The following HS6ST1 variants were observed in gnomAD, a reference collection of about 807,000 sequenced individuals.
HS6ST1 encodes heparan sulfate 6-O-sulfotransferase 1.
Under a neutral mutation model 25.2 loss-of-function variants are expected in HS6ST1, and 3 were observed. The ratio of observed to expected loss-of-function variants is 0.12; its 90% CI spans 0.05 to 0.31. HS6ST1 has a LOEUF of 0.31. HS6ST1 is among the 10% of genes least tolerant of loss of function. HS6ST1 has a pLI of 1.00. For synonymous variants in HS6ST1, 204 were observed against 275.1 expected, an observed-to-expected ratio of 0.74 and a Z score of 2.56; for missense variants, 310 against 609.6, an observed-to-expected ratio of 0.51 and a Z score of 5.18.
chr2:128,297,820 G>A (rs536449751), intron 1 of HS6ST1, among the ~76,000 whole-genome samples: 1 of 152,272 alleles, frequency 6.6e-6, no homozygotes, highest in East Asian at 1.9e-4. Flanking sequence ...GGCAACAAGA[G>A]TGAAACTCTG....
rs1419571244 is a variant in HS6ST1 at position 128,267,244 on chromosome 2, G to A, written c.*918C>T. 6.6e-6 allele frequency: 1 copy of A among 152,124 alleles called. No homozygotes were observed. Among genetic ancestry groups the A allele is most frequent in the East Asian group, 1.9e-4 (1 of 5,166 alleles). The allele number at this position is 152,124 out of a possible 1,614,324, so 9.4% of individuals were successfully genotyped here. A position where few individuals can be genotyped will look rare whatever the true frequency, so the allele number is the denominator to read the frequency against. ...TGGGGCAGCCTGCTAGCAAATCCCA[G>A]TGGGTCAGAAAGGAGAACAGAGGCA... On this transcript the variant is annotated 3_prime_UTR_variant, in exon 2 of 2. Transcript: ENST00000259241.
chr2:128,315,569 C>G (rs2104939745), intron 1 of HS6ST1, among the ~76,000 whole-genome samples: 1 of 152,294 alleles, frequency 6.6e-6, no homozygotes, highest in East Asian at 1.9e-4. Context: ...GCCAGGGTGA[C>G]ACCTGAGTCT....
chr2:128,303,033 CCA>C (rs1694156901), intron 1 of HS6ST1, among the ~76,000 whole-genome samples: 1 of 152,230 alleles, frequency 6.6e-6, no homozygotes, highest in Admixed American at 6.5e-5. Flanking sequence ...CTCTGGTCCC[CCA>C]CAGTCTAAAC....
chr2:128,274,936 T>A (rs1357805039), intron 1 of HS6ST1, among the ~76,000 whole-genome samples: 1 of 126,558 alleles, frequency 7.9e-6, no homozygotes, highest in Non-Finnish European at 1.5e-5. Context: ...TGAGATCGCA[T>A]CTGGGTGACA....
At chr2:128,308,464 C>G (rs929756976) in intron 1 of HS6ST1, among the ~76,000 whole-genome samples, 3 of 152,218 alleles carry the variant, frequency 2.0e-5, no homozygotes, top group Non-Finnish European at 4.4e-5. Flanking sequence ...CCTCTTGACC[C>G]TGGGTTCCTC....
chr2:128,316,531 AG>A (rs1205686483), intron 1 of HS6ST1, among the ~76,000 whole-genome samples: 1 of 152,086 alleles, frequency 6.6e-6, no homozygotes, highest in Non-Finnish European at 1.5e-5. Context: ...GACCAGGGTT[AG>A]GGGGGCCCTG....
intron 1 of HS6ST1, among the ~76,000 whole-genome samples, chr2:128,302,799 C>T (rs906371179): frequency 2.0e-5 from 3 of 152,190 alleles, no homozygotes; most frequent in South Asian, 2.1e-4. Context: ...GGGCCTCTTC[C>T]GCAACGGCCC....
At chr2:128,293,231 G>T (rs1038634477) in intron 1 of HS6ST1, among the ~76,000 whole-genome samples, 6 of 152,278 alleles carry the variant, frequency 3.9e-5, no homozygotes, top group African/African-American at 1.4e-4. Flanking sequence ...CCCGCTCTGA[G>T]CCAGGGGCAT....
intron 1 of HS6ST1, among the ~76,000 whole-genome samples, chr2:128,288,588 C>T (rs746911815): frequency 6.6e-5 from 10 of 152,180 alleles, no homozygotes; most frequent in South Asian, 4.1e-4. Context: ...AAATGCAACC[C>T]GCGCCAGGTG....
intron 1 of HS6ST1, among the ~76,000 whole-genome samples, chr2:128,284,540 C>T (rs1185635362): frequency 8.0e-6 from 1 of 124,942 alleles, no homozygotes; most frequent in African/African-American, 3.0e-5. Flanking sequence ...CTTGCTTTGT[C>T]GCCCAGGCTG....
At chr2:128,275,203 C>T (rs1454346094) in intron 1 of HS6ST1, among the ~76,000 whole-genome samples, 2 of 152,114 alleles carry the variant, frequency 1.3e-5, no homozygotes, top group Non-Finnish European at 2.9e-5. Context: ...ACACTACTTG[C>T]CTCAGCGGTA....
At chr2:128,278,534 T>A (rs1458151905) in intron 1 of HS6ST1, among the ~76,000 whole-genome samples, 10 of 152,058 alleles carry the variant, frequency 6.6e-5, no homozygotes, top group Non-Finnish European at 1.5e-5. Flanking sequence ...CACTGGAGTG[T>A]GAGCTGTCAC....
At chr2:128,279,086 G>C (rs1462868945) in intron 1 of HS6ST1, among the ~76,000 whole-genome samples, 1 of 152,154 alleles carries the variant, frequency 6.6e-6, no homozygotes, top group African/African-American at 2.4e-5. Context: ...ATTAGACGGG[G>C]CCGGCCGCAC....
intron 1 of HS6ST1, among the ~76,000 whole-genome samples, chr2:128,283,850 C>T (rs537156846): frequency 1.3e-5 from 2 of 152,332 alleles, no homozygotes; most frequent in African/African-American, 4.8e-5. Flanking sequence ...CCTGCCGAAA[C>T]ATCTCTCCCA....
chr2:128,276,174 C>G (rs1028331985), intron 1 of HS6ST1, among the ~76,000 whole-genome samples: 4 of 152,236 alleles, frequency 2.6e-5, no homozygotes, highest in Non-Finnish European at 5.9e-5. Context: ...GTTGCCCAGG[C>G]TGGAGTGCAG....
chr2:128,308,228 T>C (rs879828975), intron 1 of HS6ST1, among the ~76,000 whole-genome samples: 19 of 151,952 alleles, frequency 1.3e-4, no homozygotes, highest in Non-Finnish European at 2.6e-4. Context: ...GCACAGTGCA[T>C]GGGGTCTTCA....
At position 128,268,414 on chromosome 2, in the gene HS6ST1, C is replaced by T. The variant is rs755916481; in HGVS notation, c.984G>A (p.Glu328=). 10 of 1,613,540 alleles carry T rather than the reference C, an allele frequency of 6.2e-6. No individual in the cohort carries two copies. Among genetic ancestry groups the T allele is most frequent in the Non-Finnish European group, 7.6e-6 (9 of 1,179,882 alleles). Residue 328 remains glutamate (E), a synonymous_variant, in exon 2 of 2, where the codon GAG becomes GAA. Coordinates refer to ENST00000259241, the MANE Select transcript of HS6ST1 (RefSeq NM_004807.3). ...TGCGCCGGATGGTGTCTTCATCCAC[C>T]TCCACGCCGCCCGCCCGCGTGCTAT... ...QYNSTRAGGV[E]VDEDTIRRIE...
At chr2:128,292,405 C>T (rs1164010180) in intron 1 of HS6ST1, among the ~76,000 whole-genome samples, 4 of 152,228 alleles carry the variant, frequency 2.6e-5, no homozygotes, top group East Asian at 1.9e-4. Context: ...AGGGCAGGGA[C>T]GCCCACACCA....
chr2:128,299,324 TCAG>T (rs1434556553), intron 1 of HS6ST1, among the ~76,000 whole-genome samples: 4 of 152,234 alleles, frequency 2.6e-5, no homozygotes, highest in African/African-American at 9.6e-5. Context: ...CACAGGCCCA[TCAG>T]CAGGAGCGAG....
Sources: gnomAD v4.1 joint callset for allele counts (sites outside exome capture counted in the v4.1 genomes callset) on GRCh38, gnomAD v4.1.1 for gene constraint, MANE v1.5 for transcripts, NCBI Gene and HGNC (gene_info 2026-07-23, HGNC 2026-07-21) for gene names.